Variants in USP6NL observed in about 807,000 individuals in gnomAD.
USP6NL encodes USP6 N-terminal like.
USP6NL carries 26 observed loss-of-function variants against 61.9 expected under a neutral mutation model. The ratio of observed to expected loss-of-function variants is 0.42; its 90% CI spans 0.31 to 0.58. The LOEUF (loss-of-function observed/expected upper bound fraction) is 0.58. USP6NL is among the 20% of genes least tolerant of loss of function. The probability of loss-of-function intolerance (pLI) is 0.16; values close to 1 mark genes in which losing one functional copy is unlikely to be tolerated. For synonymous variants in USP6NL, 432 were observed against 390.1 expected, an observed-to-expected ratio of 1.11 and a Z score of -1.27; for missense variants, 1,114 against 1,034.3, an observed-to-expected ratio of 1.08 and a Z score of -1.06.
chr10:11,460,723 C>G lies in USP6NL; in HGVS notation c.*1718G>C, dbSNP rs373193536. 6.7e-6 allele frequency: 1 copy of G among 149,464 alleles called. No homozygotes were observed. The highest frequency in any genetic ancestry group is 2.1e-4 in the South Asian group (1 of 4,750). The allele number at this position is 149,464 out of a possible 1,614,324, so 9.3% of individuals were successfully genotyped here. ...GCAGCTCAGATACTGCTATTATAAACTAAATTGTACAGCTTGGTTTATTAC... is the reference window on the plus strand; with the variant it reads ...GCAGCTCAGATACTGCTATTATAAAGTAAATTGTACAGCTTGGTTTATTAC... On this transcript the variant is annotated 3_prime_UTR_variant, in exon 15 of 15. Transcript: ENST00000609104.
chr10:11,534,574 G>A (rs1014144034), intron 2 of USP6NL, among the ~76,000 whole-genome samples: 7 of 152,100 alleles, frequency 4.6e-5, no homozygotes, highest in African/African-American at 1.7e-4. Flanking sequence ...TACATATAAA[G>A]ACATCAAAAA....
chr10:11,508,539 G>A (rs1441514033), intron 6 of USP6NL, among the ~76,000 whole-genome samples: 1 of 152,220 alleles, frequency 6.6e-6, no homozygotes, highest in East Asian at 1.9e-4. Context: ...AATCAAGGCA[G>A]CAGTAGTGCT....
chr10:11,570,521 G>A (rs964744028), intron 2 of USP6NL, among the ~76,000 whole-genome samples: 35 of 152,142 alleles, frequency 2.3e-4, no homozygotes, highest in Admixed American at 2.0e-3. Context: ...AACCTTGGTC[G>A]TTCGGTTCTC....
chr10:11,486,766 T>G (rs1820831491), intron 10 of USP6NL, among the ~76,000 whole-genome samples: 1 of 152,218 alleles, frequency 6.6e-6, no homozygotes, highest in South Asian at 2.1e-4. Context: ...TTATTAATGT[T>G]CTTGCCTTTT....
rs1832318090 is a variant in USP6NL, at chr10:11,463,920, G to C, written c.1079-71C>G. On this transcript the variant is annotated intron_variant, in intron 14 of 14. Coordinates refer to ENST00000609104, the MANE Select transcript of USP6NL (RefSeq NM_014688.5). The surrounding 1 kb of genome is among the most constrained non-coding windows in gnomAD (Gnocchi z 6.3). ...AGTAGCCAGTTGAAGCAATCCATTA[G>C]TAACAATGGCATGCTTTTCATCTGT... is the stretch of plus-strand genomic sequence containing the variant. The C allele has an allele frequency of 7.4e-7, 1 of 1,351,296 alleles. No homozygotes were observed. Among genetic ancestry groups the C allele is most frequent in the South Asian group, 1.6e-5 (1 of 63,960 alleles). The allele number at this position is 1,351,296 out of a possible 1,614,324, so 83.7% of individuals were successfully genotyped here.
In USP6NL at chr10:11,511,823, T is replaced by C. The variant is rs1834728260; in HGVS notation, c.196-2148A>G. Among the ~76,000 whole-genome samples the C allele has an allele frequency of 7.3e-6, 1 of 136,322 alleles. No individual in the cohort carries two copies. Among genetic ancestry groups the C allele is most frequent in the South Asian group, 2.6e-4 (1 of 3,896 alleles). 89.4% of individuals were successfully genotyped at this position (136,322 alleles called of 152,430 possible). ...GCAAAAAATAAAATAAAATAATATA[T>C]ATTATACACACACACACACACACAC... On this transcript the variant is annotated intron_variant, in intron 5 of 14. Coordinates refer to ENST00000609104, the MANE Select transcript of USP6NL (RefSeq NM_014688.5). The surrounding 1 kb of genome is among the most constrained non-coding windows in gnomAD (Gnocchi z 4.9).
chr10:11,578,211 C>A (rs1837621451), intron 2 of USP6NL, among the ~76,000 whole-genome samples: 1 of 152,120 alleles, frequency 6.6e-6, no homozygotes, highest in Middle Eastern at 3.2e-3. Flanking sequence ...TCAAGCAATC[C>A]GCCCGCCTCA....
At chr10:11,479,080 C>T (rs1021365427) in intron 14 of USP6NL, among the ~76,000 whole-genome samples, 4 of 152,102 alleles carry the variant, frequency 2.6e-5, no homozygotes, top group Non-Finnish European at 1.5e-5. Context: ...TTTCATCATA[C>T]TCAATTATAT....
chr10:11,603,541 C>A (rs1838618413), intron 1 of USP6NL, among the ~76,000 whole-genome samples: 1 of 152,128 alleles, frequency 6.6e-6, no homozygotes, highest in African/African-American at 2.4e-5. Flanking sequence ...CCAACTGTAA[C>A]AATAAGCACT....
intron 5 of USP6NL, among the ~76,000 whole-genome samples, chr10:11,512,523 C>T (rs1170685014): frequency 6.6e-6 from 1 of 152,178 alleles, no homozygotes; most frequent in Non-Finnish European, 1.5e-5. Flanking sequence ...AATGGCTACC[C>T]ATTTTCTAGA....
At chr10:11,533,604 C>G (rs575866925) in intron 2 of USP6NL, among the ~76,000 whole-genome samples, 1 of 152,268 alleles carries the variant, frequency 6.6e-6, no homozygotes, top group South Asian at 2.1e-4. Context: ...AGCAGGCAGC[C>G]TTTAGAGCAA....
Position 11,520,338 on chromosome 10 carries a change from T to C in USP6NL, c.156-1764A>G, listed in dbSNP as rs189065488. Among the ~76,000 whole-genome samples the C allele has an allele frequency of 2.2e-4, 33 of 152,330 alleles. No individual in the cohort carries two copies. The highest frequency in any genetic ancestry group is 3.8e-4 in the Non-Finnish European group (26 of 68,028). ...CAGATGTTCTGGCATGATTTCTCCA[T>C]ATCTAAAACTTTTCATGGAGAATCT... On this transcript the variant is annotated intron_variant, in intron 4 of 14. Transcript: ENST00000609104. The surrounding 1 kb of genome is among the most constrained non-coding windows in gnomAD (Gnocchi z 5.2).
chr10:11,604,583 C>T (rs1838650178), intron 1 of USP6NL, among the ~76,000 whole-genome samples: 1 of 152,052 alleles, frequency 6.6e-6, no homozygotes, highest in Non-Finnish European at 1.5e-5. Context: ...ATAAATGTTT[C>T]CCAAGCAAGT....
rs55781528 is a variant in USP6NL, at chr10:11,511,828, TACACACAC to T, written c.196-2161_196-2154del. 1.7e-4 allele frequency among the ~76,000 whole-genome samples: 25 copies of T among 149,900 alleles called. No individual in the cohort carries two copies. The highest frequency in any genetic ancestry group is 3.4e-4 in the Non-Finnish European group (23 of 67,396). ...AAATAAAATAAAATAATATATATTATACACACACACACACACACACACCCCTTGGGAAG... is the reference window on the plus strand; with the variant it reads ...AAATAAAATAAAATAATATATATTATACACACACACACACCCCTTGGGAAG... On this transcript the variant is annotated intron_variant, in intron 5 of 14. Coordinates refer to ENST00000609104, the MANE Select transcript of USP6NL (RefSeq NM_014688.5). This position sits in a 1 kb window ranked among gnomAD's most constrained non-coding sequence, Gnocchi z 4.9.
At chr10:11,541,414 C>T (rs1836064702) in intron 2 of USP6NL, among the ~76,000 whole-genome samples, 1 of 151,320 alleles carries the variant, frequency 6.6e-6, no homozygotes, top group South Asian at 2.1e-4. Flanking sequence ...ATCAAAACTA[C>T]GAGGTAGGTA....
chr10:11,534,858 G>A (rs1835776001), intron 2 of USP6NL, among the ~76,000 whole-genome samples: 2 of 152,070 alleles, frequency 1.3e-5, no homozygotes, highest in African/African-American at 4.8e-5. Flanking sequence ...ATAAAATATA[G>A]ACAATGTCTA....
At position 11,600,498 on chromosome 10, in the gene USP6NL, C is replaced by T. The variant is rs1838484267; in HGVS notation, c.-83-2781G>A. Among the ~76,000 whole-genome samples, 1 of 152,168 alleles carries T rather than the reference C, an allele frequency of 6.6e-6. No homozygotes were observed. Among genetic ancestry groups the T allele is most frequent in the Non-Finnish European group, 1.5e-5 (1 of 68,034 alleles). On this transcript the variant is annotated intron_variant, in intron 1 of 14. Coordinates refer to ENST00000609104, the MANE Select transcript of USP6NL (RefSeq NM_014688.5). The surrounding 1 kb of genome is among the most constrained non-coding windows in gnomAD (Gnocchi z 4.1). Reference sequence around the variant, plus strand: ...TCTGGTGTTGTGCACTGAAAGTTTGCAGTCGTTACACAGCATTATTACAGC... The same window carrying T: ...TCTGGTGTTGTGCACTGAAAGTTTGTAGTCGTTACACAGCATTATTACAGC...
chr10:11,548,900 A>T lies in USP6NL; in HGVS notation c.5-21333T>A, dbSNP rs539174789. Among the ~76,000 whole-genome samples the T allele has an allele frequency of 3.0e-4, 46 of 152,276 alleles. No individual in the cohort carries two copies. Among genetic ancestry groups the T allele is most frequent in the African/African-American group, 1.1e-3 (45 of 41,568 alleles). On this transcript the variant is annotated intron_variant, in intron 2 of 14. Transcript: ENST00000609104. The surrounding 1 kb of genome is among the most constrained non-coding windows in gnomAD (Gnocchi z 4.3). ...AAGGAAGTTGTATTAGTGCTATTAT[A>T]CCCAGAAAAGTCCCTAAAGACCATT...
chr10:11,504,356 T>C (rs1208167056), intron 6 of USP6NL, among the ~76,000 whole-genome samples: 3 of 152,216 alleles, frequency 2.0e-5, no homozygotes, highest in Non-Finnish European at 4.4e-5. Flanking sequence ...CAGTTTACAG[T>C]TGTTGATAAT....
Sources: allele counts gnomAD v4.1 joint callset (sites outside exome capture counted in the v4.1 genomes callset), GRCh38; gene constraint gnomAD v4.1.1; non-coding constraint Gnocchi (gnomAD v3.1); transcripts MANE v1.5; gene names NCBI Gene and HGNC (gene_info 2026-07-23, HGNC 2026-07-21).